Variants in PIK3C2G observed in about 807,000 individuals in gnomAD.
PIK3C2G encodes phosphatidylinositol 3-kinase C2 domain-containing subunit gamma.
A neutral mutation model predicts 181.1 loss-of-function variants in PIK3C2G; 168 were observed. The observed-to-expected ratio is 0.93, with a 90% CI of 0.82 to 1.05. The LOEUF is 1.05. Ranked by LOEUF, PIK3C2G falls within the 50% of genes least tolerant of loss-of-function variation. The probability of loss-of-function intolerance (pLI) is 0.00; values close to 1 mark genes in which losing one functional copy is unlikely to be tolerated. For synonymous variants in PIK3C2G, 573 were observed against 592.2 expected (o/e 0.97, Z 0.47); for missense variants, 1,869 against 1,732.8 (o/e 1.08, Z -1.40).
upstream of PIK3C2G, among the ~76,000 whole-genome samples, chr12:18,259,875 A>C (rs1013271812): frequency 3.3e-5 from 5 of 152,094 alleles, no homozygotes; most frequent in Non-Finnish European, 5.9e-5. Context: ...TGTGTGTTTA[A>C]ATTTTAGACA....
chr12:18,407,098 G>T (rs1944581803), intron 16 of PIK3C2G, among the ~76,000 whole-genome samples: 1 of 151,894 alleles, frequency 6.6e-6, no homozygotes, highest in South Asian at 2.1e-4. Flanking sequence ...ATAAGGTAAG[G>T]TACATATGAG....
intron 24 of PIK3C2G, among the ~76,000 whole-genome samples, chr12:18,521,460 G>C (rs983579717): frequency 2.6e-5 from 4 of 152,202 alleles, no homozygotes; most frequent in African/African-American, 9.6e-5. Context: ...AGTTGTTGGA[G>C]TTCCTACAGG....
At chr12:18,524,850 G>A (rs1395296852) in intron 24 of PIK3C2G, among the ~76,000 whole-genome samples, 1 of 151,526 alleles carries the variant, frequency 6.6e-6, no homozygotes. Flanking sequence ...TTACAGGCAT[G>A]AGCCACCCAC....
intron 30 of PIK3C2G, among the ~76,000 whole-genome samples, chr12:18,609,033 A>C (rs1359761143): frequency 6.6e-6 from 1 of 152,104 alleles, no homozygotes; most frequent in Non-Finnish European, 1.5e-5. Context: ...ACAACTTTTG[A>C]ATTTTATCAG....
At chr12:18,320,627 A>C (rs1292341784) in intron 6 of PIK3C2G, among the ~76,000 whole-genome samples, 1 of 152,228 alleles carries the variant, frequency 6.6e-6, no homozygotes, top group Non-Finnish European at 1.5e-5. Flanking sequence ...CTAAATGTGA[A>C]AACAAAATGT....
At chr12:18,539,863 A>C (rs183843177) in intron 25 of PIK3C2G, among the ~76,000 whole-genome samples, 1 of 152,012 alleles carries the variant, frequency 6.6e-6, no homozygotes, top group East Asian at 1.9e-4. Flanking sequence ...AGTTCTACCC[A>C]TCTCCGAAAT....
Position 18,314,104 on chromosome 12 carries a change from C to T in PIK3C2G, c.1137+40C>T, listed in dbSNP as rs566789827. ...GCATTGGTTTCAATTGGCAAACTGA[C>T]AGTTTTAAGGACAATATTTCTAATT... On this transcript the variant is annotated intron_variant, in intron 6 of 32. Transcript: ENST00000538779. 1.1e-5 allele frequency: 11 copies of T among 1,004,462 alleles called. 1 individual carries two copies. The African/African-American group carries it at 1.3e-4, about 12-fold the overall frequency. 62.2% of individuals were successfully genotyped at this position (1,004,462 alleles called of 1,614,324 possible). A position where few individuals can be genotyped will look rare whatever the true frequency, so the allele number is the denominator to read the frequency against.
At chr12:18,291,891 CAAA>C (rs201787425) in intron 4 of PIK3C2G, among the ~76,000 whole-genome samples, 6 of 112,310 alleles carry the variant, frequency 5.3e-5, no homozygotes, top group African/African-American at 1.0e-4. Context: ...CTAGCTTAAG[CAAA>C]AAAAAAAAAA....
intron 29 of PIK3C2G, among the ~76,000 whole-genome samples, chr12:18,588,484 T>C (rs1196298136): frequency 6.6e-6 from 1 of 151,912 alleles, no homozygotes; most frequent in Non-Finnish European, 1.5e-5. Context: ...CCAAGAAGCA[T>C]AGGAAAAATT....
Position 18,488,555 on chromosome 12 carries a change from A to G in PIK3C2G, c.2611A>G (p.Lys871Glu). The change falls in exon 19 of 33, where the codon AAG becomes GAG. Residue 871 changes from lysine to glutamate, a missense_variant. Coordinates refer to ENST00000538779, the MANE Select transcript of PIK3C2G (RefSeq NM_001288772.2). ...AGKALNDEFS[K>E]EQKLIKILGD... ...TAAAGCCTTGAATGATGAGTTTTCCAAGGAGCAGAAACTTATCAAAATTCT... is the reference window on the plus strand; with the variant it reads ...TAAAGCCTTGAATGATGAGTTTTCCGAGGAGCAGAAACTTATCAAAATTCT... The G allele has an allele frequency of 6.3e-7, 1 of 1,590,382 alleles. No homozygotes were observed. Among genetic ancestry groups the G allele is most frequent in the Admixed American group, 1.7e-5 (1 of 57,506 alleles).
intron 13 of PIK3C2G, among the ~76,000 whole-genome samples, chr12:18,376,253 G>T (rs1380260432): frequency 2.0e-5 from 3 of 152,188 alleles, no homozygotes; most frequent in East Asian, 1.9e-4. Flanking sequence ...GCCCACCATT[G>T]TATCCGTGTG....
chr12:18,644,125 G>T (rs1949991410), intron 32 of PIK3C2G, among the ~76,000 whole-genome samples: 1 of 152,014 alleles, frequency 6.6e-6, no homozygotes, highest in Non-Finnish European at 1.5e-5. Context: ...TTTGATGCAG[G>T]GCCAAGCTTG....
intron 13 of PIK3C2G, 108 bp from the exon 14 acceptor site, chr12:18,381,658 C>G (rs1942841751): frequency 3.0e-6 from 2 of 662,044 alleles, no homozygotes; most frequent in Non-Finnish European, 5.4e-6. Flanking sequence ...AATAAAGCCC[C>G]TGTAAGAGCG....
At chr12:18,695,511 T>C in the PIK3C2G span, among the ~76,000 whole-genome samples, 2 of 152,226 alleles carry the variant, frequency 1.3e-5, no homozygotes, top group African/African-American at 2.4e-5. Context: ...AAAGCAATAA[T>C]TGTCGTTACA....
At chr12:18,683,465 T>TTA in the PIK3C2G span, 1 of 1,453,058 alleles carries the variant, frequency 6.9e-7, no homozygotes, top group Non-Finnish European at 9.4e-7. Flanking sequence ...TCTGGTATAT[T>TTA]AATCTTCCAC....
Position 18,343,327 on chromosome 12 carries a change from A to G in PIK3C2G, c.1396A>G (p.Asn466Asp), listed in dbSNP as rs774136829. 3.5e-5 allele frequency: 48 copies of G among 1,354,188 alleles called. No homozygotes were observed. The highest frequency in any genetic ancestry group is 4.8e-5 in the Non-Finnish European group (47 of 977,562). The allele number at this position is 1,354,188 out of a possible 1,614,324, so 83.9% of individuals were successfully genotyped here. ...LSLILQRKGE[N>D]FYQSSETSAK... ...AGTATAATTTTACATTTTTTTTCAG[A>G]ATTTTTATCAAAGTTCAGAGACTTC... is the stretch of plus-strand genomic sequence containing the variant. The change falls in exon 10 of 33, where the codon AAT becomes GAT. Residue 466 changes from asparagine to aspartate, a missense_variant and splice_region_variant. Physicochemically the swap from Asn to Asp is conservative, Grantham distance 23. Transcript: ENST00000538779.
intron 29 of PIK3C2G, among the ~76,000 whole-genome samples, chr12:18,590,187 T>A (rs1300186062): frequency 6.6e-6 from 1 of 150,596 alleles, no homozygotes; most frequent in Non-Finnish European, 1.5e-5. Context: ...ACGTTCTTCA[T>A]AATGTGAGAA....
At chr12:18,460,012 G>T (rs139485235) in intron 18 of PIK3C2G, among the ~76,000 whole-genome samples, 3 of 152,072 alleles carry the variant, frequency 2.0e-5, no homozygotes, top group Non-Finnish European at 4.4e-5. Flanking sequence ...TAAGATGCCC[G>T]CCTCGGCCTC....
the PIK3C2G span, among the ~76,000 whole-genome samples, chr12:18,688,489 T>A: frequency 7.0e-3 from 1,068 of 152,114 alleles, 9 homozygotes; most frequent in African/African-American, 0.025. Context: ...TTAAAATCAT[T>A]TGTTATGATC....
Sources: gnomAD v4.1 joint callset for allele counts (sites outside exome capture counted in the v4.1 genomes callset) on GRCh38, gnomAD v4.1.1 for gene constraint, MANE v1.5 for transcripts, NCBI Gene and HGNC (gene_info 2026-07-23, HGNC 2026-07-21) for gene names.